Variants in TRIM66 observed in about 807,000 individuals in gnomAD.
TRIM66 encodes tripartite motif-containing protein 66.
TRIM66 carries 99 observed loss-of-function variants against 148.2 expected under a neutral mutation model. The observed-to-expected ratio is 0.67, with a 90% CI of 0.57 to 0.79. The LOEUF is 0.79. TRIM66 is among the 30% of genes least tolerant of loss of function. The pLI, the probability that TRIM66 is intolerant of heterozygous loss-of-function variation, is 0.00. For missense variants in TRIM66, 1,666 were observed against 1,697.9 expected (o/e 0.98, Z 0.33); for synonymous variants, 616 against 635.9 (o/e 0.97, Z 0.47).
chr11:8,628,341 G>A lies in TRIM66; in HGVS notation c.2311-3113C>T, dbSNP rs116124055. Among the ~76,000 whole-genome samples the A allele has an allele frequency of 3.9e-3, 588 of 152,042 alleles. 7 individuals are homozygous for A. Among genetic ancestry groups the A allele is most frequent in the African/African-American group, 0.014 (566 of 41,480 alleles). ...TTAGATCCAGATCTTGGTTGGGCATGGTGGCTCACACCTGTAATCCCAGCA... is the reference window on the plus strand; with the variant it reads ...TTAGATCCAGATCTTGGTTGGGCATAGTGGCTCACACCTGTAATCCCAGCA... On this transcript the variant is annotated intron_variant, in intron 15 of 24. Coordinates refer to ENST00000646038, the MANE Select transcript of TRIM66 (RefSeq NM_001388022.1).
chr11:8,682,661 G>A lies in TRIM66; in HGVS notation c.-608C>T, dbSNP rs1469356211. Reference sequence around the variant, plus strand: ...GGGGGATCACCACCCTCAGAAAGAGGAAGCGACTAGCAGGCGCGCAATCCC... The same window carrying A: ...GGGGGATCACCACCCTCAGAAAGAGAAAGCGACTAGCAGGCGCGCAATCCC... On this transcript the variant is annotated 5_prime_UTR_variant, in exon 1 of 25. Coordinates refer to ENST00000646038, the MANE Select transcript of TRIM66 (RefSeq NM_001388022.1). The A allele has an allele frequency of 6.0e-6, 5 of 837,216 alleles. No individual in the cohort carries two copies. The highest frequency in any genetic ancestry group is 2.5e-5 in the East Asian group (1 of 40,346). The allele number at this position is 837,216 out of a possible 1,614,324, so 51.9% of individuals were successfully genotyped here.
intron 6 of TRIM66, among the ~76,000 whole-genome samples, chr11:8,663,618 C>T (rs923647475): frequency 5.9e-5 from 9 of 151,898 alleles, no homozygotes; most frequent in African/African-American, 1.2e-4. Context: ...ACCTTGGATG[C>T]GGGGGGAGGG....
chr11:8,640,975 C>T lies in TRIM66; in HGVS notation c.1400G>A (p.Cys467Tyr), dbSNP rs1321146660. 1.9e-6 allele frequency: 3 copies of T among 1,551,280 alleles called. No homozygotes were observed. In the Admixed American group the frequency reaches 5.9e-5, roughly 30 times the overall value. The change falls in exon 14 of 25, where the codon TGC (cysteine) becomes TAC (tyrosine). Residue 467 changes from cysteine (C) to tyrosine (Y), a missense_variant. Coordinates refer to ENST00000646038, the MANE Select transcript of TRIM66 (RefSeq NM_001388022.1). ...SPAVCSSSVC[C>Y]SHCSPVSPSL... The stretch of plus-strand genomic sequence containing the variant: ...AGGCGAGACTGGGGAGCAGTGGGAG[C>T]AGCACACAGATGAGGAGCACACTGC...
Position 8,682,657 on chromosome 11 carries a change from A to C in TRIM66, c.-604T>G. 1 of 811,548 alleles carries C rather than the reference A, an allele frequency of 1.2e-6. No homozygotes were observed. The highest frequency in any genetic ancestry group is 2.1e-6 in the Non-Finnish European group (1 of 470,324). The allele number at this position is 811,548 out of a possible 1,614,324, so 50.3% of individuals were successfully genotyped here. ...TGATGGGGGATCACCACCCTCAGAA[A>C]GAGGAAGCGACTAGCAGGCGCGCAA... On this transcript the variant is annotated 5_prime_UTR_variant, in exon 1 of 25. Coordinates refer to ENST00000646038, the MANE Select transcript of TRIM66 (RefSeq NM_001388022.1).
At chr11:8,622,992 G>T in intron 17 of TRIM66, 116 bp from the exon 18 acceptor site, 1 of 816,226 alleles carries the variant, frequency 1.2e-6, no homozygotes, top group Non-Finnish European at 2.0e-6. Context: ...CTGTCATACA[G>T]TAGTTACCTA....
chr11:8,622,418 C>T (rs1486220874), intron 18 of TRIM66, among the ~76,000 whole-genome samples: 1 of 133,104 alleles, frequency 7.5e-6, no homozygotes. Context: ...AGAACCCTGA[C>T]TAATACAATC....
chr11:8,681,768 G>A (rs1327852785), intron 1 of TRIM66, among the ~76,000 whole-genome samples: 3 of 152,108 alleles, frequency 2.0e-5, no homozygotes, highest in Non-Finnish European at 4.4e-5. Flanking sequence ...GTCTAGTAGG[G>A]AAGACAAACG....
upstream of TRIM66, chr11:8,682,915 C>T (rs1046654832): frequency 1.9e-5 from 27 of 1,438,464 alleles, no homozygotes; most frequent in South Asian, 1.9e-4. Context: ...ATGGTCGGGG[C>T]TTCCAGGCTG....
chr11:8,656,918 C>T (rs140137014), intron 6 of TRIM66, among the ~76,000 whole-genome samples: 118 of 152,268 alleles, frequency 7.7e-4, no homozygotes, highest in Non-Finnish European at 1.2e-3. Context: ...TCCCTGTACC[C>T]GGGGATTGGC....
At chr11:8,668,603 TG>T (rs1329174673) in intron 6 of TRIM66, among the ~76,000 whole-genome samples, 5 of 151,270 alleles carry the variant, frequency 3.3e-5, no homozygotes, top group Non-Finnish European at 7.4e-5. Flanking sequence ...TTTTTTTTTT[TG>T]AGATGGAGTC....
In TRIM66 at chr11:8,672,388, A is replaced by C. The variant is rs2038980164; in HGVS notation, c.-111-3T>G. ...CCTTATTGGTAGACAAGCTTGACCTAAGTTTCAATTTTGGAAAAAGGAAGA... is the reference window on the plus strand; with the variant it reads ...CCTTATTGGTAGACAAGCTTGACCTCAGTTTCAATTTTGGAAAAAGGAAGA... On this transcript the variant is annotated splice_region_variant and splice_polypyrimidine_tract_variant and intron_variant, in intron 4 of 24. Coordinates refer to ENST00000646038, the MANE Select transcript of TRIM66 (RefSeq NM_001388022.1). The C allele has an allele frequency of 6.7e-7, 1 of 1,497,500 alleles. No individual in the cohort carries two copies. Among genetic ancestry groups the C allele is most frequent in the East Asian group, 2.5e-5 (1 of 40,556 alleles). The allele number at this position is 1,497,500 out of a possible 1,614,324, so 92.8% of individuals were successfully genotyped here.
At chr11:8,667,429 G>T (rs1352788627) in intron 6 of TRIM66, among the ~76,000 whole-genome samples, 3 of 152,054 alleles carry the variant, frequency 2.0e-5, no homozygotes, top group Non-Finnish European at 4.4e-5. Context: ...TCACAGAATG[G>T]GAGAAAATAT....
In TRIM66 at chr11:8,648,061, G is replaced by C; in HGVS notation, c.751C>G (p.Gln251Glu). The stretch of plus-strand genomic sequence containing the variant: ...CCTTCCAGAAGCATCCTCTGGTTTT[G>C]CAAAACTTCTTCAACATGTCTGCAC... ...HRCRHVEEVL[Q>E]NQRMLLEGVT... The change falls in exon 10 of 25, where the codon CAA (glutamine) becomes GAA (glutamate). Residue 251 changes from glutamine to glutamate, a missense_variant. Physicochemically the swap from Gln to Glu is conservative, Grantham distance 29. Coordinates refer to ENST00000646038, the MANE Select transcript of TRIM66 (RefSeq NM_001388022.1). 1 of 1,551,664 alleles carries C rather than the reference G, an allele frequency of 6.4e-7. No homozygotes were observed. Among genetic ancestry groups the C allele is most frequent in the Non-Finnish European group, 8.7e-7 (1 of 1,146,986 alleles).
At chr11:8,649,085 T>C (rs1187789449) in intron 8 of TRIM66, among the ~76,000 whole-genome samples, 1 of 152,234 alleles carries the variant, frequency 6.6e-6, no homozygotes, top group East Asian at 1.9e-4. Flanking sequence ...ACGCCTGTAA[T>C]CGCAGCACTT....
chr11:8,677,717 T>C (rs1039854620), intron 3 of TRIM66, among the ~76,000 whole-genome samples: 1 of 152,184 alleles, frequency 6.6e-6, no homozygotes, highest in African/African-American at 2.4e-5. Context: ...AATATGTAAC[T>C]CCTTTTTTCT....
Position 8,617,852 on chromosome 11 carries a change from C to T in TRIM66, c.*92G>A, listed in dbSNP as rs1263731744. The T allele has an allele frequency of 8.0e-7, 1 of 1,245,356 alleles. No individual in the cohort carries two copies. The highest frequency in any genetic ancestry group is 2.5e-5 in the East Asian group (1 of 39,312). 77.1% of individuals were successfully genotyped at this position (1,245,356 alleles called of 1,614,324 possible). A position where few individuals can be genotyped will look rare whatever the true frequency, so the allele number is the denominator to read the frequency against. ...CAGTTCAACAAGACTCATCTACCAT[C>T]CACACTCTGAAGAGGATAAGCTGCA... is the stretch of plus-strand genomic sequence containing the variant. On this transcript the variant is annotated 3_prime_UTR_variant, in exon 25 of 25. Coordinates refer to ENST00000646038, the MANE Select transcript of TRIM66 (RefSeq NM_001388022.1).
At chr11:8,638,542 A>T in intron 15 of TRIM66, 112 bp downstream of exon 15, 2 of 1,214,262 alleles carry the variant, frequency 1.6e-6, no homozygotes, top group Non-Finnish European at 2.3e-6. Flanking sequence ...TGTAGCGTCC[A>T]GGGATGGAAC....
chr11:8,671,804 G>T lies in TRIM66; in HGVS notation c.322C>A (p.His108Asn). The T allele has an allele frequency of 6.9e-7, 1 of 1,445,928 alleles. No homozygotes were observed. The highest frequency in any genetic ancestry group is 1.4e-5 in the African/African-American group (1 of 71,330). 89.6% of individuals were successfully genotyped at this position (1,445,928 alleles called of 1,614,324 possible). A position where few individuals can be genotyped will look rare whatever the true frequency, so the allele number is the denominator to read the frequency against. ...IQELGQIAKA[H>N]ETVADELISC... ...TACTTACCATCTGCAACAGTCTCAT[G>T]AGCCTTGGCAATCTGCCCTAGCTCC... The change falls in exon 6 of 25, where the codon CAT (histidine) becomes AAT (asparagine). Residue 108 changes from histidine to asparagine, a missense_variant. By Grantham distance (68) the His-to-Asn change is moderately conservative. Around this residue, in one of 3 missense-constraint regions of TRIM66, gnomAD observed 1,431 missense variants for 1,412.4 expected, o/e 1.01. Transcript: ENST00000646038.
At chr11:8,646,967 G>A (rs1322834512) in intron 10 of TRIM66, among the ~76,000 whole-genome samples, 1 of 150,492 alleles carries the variant, frequency 6.6e-6, no homozygotes, top group Non-Finnish European at 1.5e-5. Flanking sequence ...GAGGGCCGGG[G>A]GGTGTTGGGG....
Sources: allele counts gnomAD v4.1 joint callset (sites outside exome capture counted in the v4.1 genomes callset), GRCh38; gene constraint gnomAD v4.1.1; regional missense constraint gnomAD v4.1.1; transcripts MANE v1.5; gene names NCBI Gene and HGNC (gene_info 2026-07-23, HGNC 2026-07-21).